Variants in ZNG1E observed in about 807,000 individuals in gnomAD.
ZNG1E encodes zinc-regulated GTPase metalloprotein activator 1E.
At chr9:65,658,344 G>A in the ZNG1E span, among the ~76,000 whole-genome samples, 4 of 151,794 alleles carry the variant, frequency 2.6e-5, no homozygotes, top group South Asian at 4.1e-4. Flanking sequence ...AAAATTCAGA[G>A]AAAGTTTGGA....
At chr9:65,717,558 G>T in the ZNG1E span, among the ~76,000 whole-genome samples, 2 of 149,756 alleles carry the variant, frequency 1.3e-5, no homozygotes, top group African/African-American at 5.1e-5. Flanking sequence ...CATCCTCCGT[G>T]TCTGGATTAG....
At chr9:65,656,595 G>C in the ZNG1E span, among the ~76,000 whole-genome samples, 1 of 152,266 alleles carries the variant, frequency 6.6e-6, no homozygotes, top group Non-Finnish European at 1.5e-5. Context: ...CTTCAAACCT[G>C]TATAGCCAGA....
At chr9:65,673,937 G>A in the ZNG1E span, among the ~76,000 whole-genome samples, 1 of 152,304 alleles carries the variant, frequency 6.6e-6, no homozygotes, top group South Asian at 2.1e-4. Flanking sequence ...CAGTAATGCA[G>A]TGCTGAAGGG....
chr9:65,716,669 A>AG, the ZNG1E span, among the ~76,000 whole-genome samples: 39 of 151,238 alleles, frequency 2.6e-4, no homozygotes, highest in Middle Eastern at 6.8e-3. Context: ...GTTTGTAAAA[A>AG]AAAAAATAAA....
chr9:65,658,305 A>C, the ZNG1E span, among the ~76,000 whole-genome samples: 2 of 151,860 alleles, frequency 1.3e-5, no homozygotes, highest in African/African-American at 4.8e-5. Flanking sequence ...AGCTCTTGGA[A>C]ATTTGAACAA....
chr9:65,673,908 G>A, the ZNG1E span, among the ~76,000 whole-genome samples: 1 of 152,418 alleles, frequency 6.6e-6, no homozygotes, highest in South Asian at 2.1e-4. Flanking sequence ...GGTGAGGGCT[G>A]TAATAGCTGC....
the ZNG1E span, among the ~76,000 whole-genome samples, chr9:65,727,329 A>G: frequency 6.7e-6 from 1 of 149,100 alleles, no homozygotes; most frequent in South Asian, 2.1e-4. Context: ...AATTAGAAAA[A>G]CAACAAAAAC....
chr9:65,666,983 G>A, the ZNG1E span, among the ~76,000 whole-genome samples: 1 of 151,600 alleles, frequency 6.6e-6, no homozygotes, highest in African/African-American at 2.4e-5. Flanking sequence ...ATCACACTCG[G>A]CAGATTTTTG....
chr9:65,716,664 T>TAA, the ZNG1E span, among the ~76,000 whole-genome samples: 338 of 147,056 alleles, frequency 2.3e-3, no homozygotes, highest in East Asian at 6.2e-3. Flanking sequence ...ATGTAGTTTG[T>TAA]AAAAAAAAAA....
chr9:65,674,587 T>A, the ZNG1E span, among the ~76,000 whole-genome samples: 1 of 152,258 alleles, frequency 6.6e-6, no homozygotes, highest in Non-Finnish European at 1.5e-5. Context: ...ATTCTCAACC[T>A]TGTTAGTAAT....
the ZNG1E span, among the ~76,000 whole-genome samples, chr9:65,724,712 A>C: frequency 1.1e-5 from 1 of 88,260 alleles, no homozygotes; most frequent in Non-Finnish European, 2.3e-5. Flanking sequence ...CGACATTCTC[A>C]ATATAGTTTT....
the ZNG1E span, among the ~76,000 whole-genome samples, chr9:65,716,355 G>A: frequency 6.6e-6 from 1 of 150,882 alleles, no homozygotes; most frequent in South Asian, 2.1e-4. Context: ...ATGGGGTCTT[G>A]CTATGTTGCC....
chr9:65,722,441 T>C, the ZNG1E span, among the ~76,000 whole-genome samples: 3 of 78,918 alleles, frequency 3.8e-5, no homozygotes, highest in Non-Finnish European at 4.8e-5. Context: ...TTGGTTTTGG[T>C]TTATTTATTT....
At chr9:65,665,239 C>T in the ZNG1E span, among the ~76,000 whole-genome samples, 1 of 152,280 alleles carries the variant, frequency 6.6e-6, no homozygotes, top group Non-Finnish European at 1.5e-5. Flanking sequence ...CCATCACAGG[C>T]CCAGAGGTTT....
At chr9:65,684,546 G>GCGCACACACA in the ZNG1E span, among the ~76,000 whole-genome samples, 15 of 139,580 alleles carry the variant, frequency 1.1e-4, no homozygotes, top group African/African-American at 4.2e-4. Flanking sequence ...ACACACACAC[G>GCGCACACACA]CACGCACACA....
chr9:65,673,979 G>A, the ZNG1E span, among the ~76,000 whole-genome samples: 2 of 152,278 alleles, frequency 1.3e-5, no homozygotes, highest in Non-Finnish European at 2.9e-5. Context: ...GACTGTGGGT[G>A]CAATGTTACT....
At chr9:65,691,854 CT>C in the ZNG1E span, among the ~76,000 whole-genome samples, 1 of 149,344 alleles carries the variant, frequency 6.7e-6, no homozygotes, top group Non-Finnish European at 1.5e-5. Context: ...CCTTTTTCAC[CT>C]TTTTAAAAAC....
chr9:65,686,189 AT>A, the ZNG1E span, among the ~76,000 whole-genome samples: 1 of 142,360 alleles, frequency 7.0e-6, no homozygotes, highest in Non-Finnish European at 1.5e-5. Context: ...GTAAATGATT[AT>A]TGGCTTCAAC....
At chr9:65,703,057 GTTA>G in the ZNG1E span, 1 of 192,736 alleles carries the variant, frequency 5.2e-6, no homozygotes, top group Admixed American at 9.5e-5. Context: ...AATCATTTTA[GTTA>G]TTAATAATAA....
Sources: gnomAD v4.1 joint callset for allele counts (sites outside exome capture counted in the v4.1 genomes callset) on GRCh38, gnomAD v4.1.1 for gene constraint, MANE v1.5 for transcripts, NCBI Gene and HGNC (gene_info 2026-07-23, HGNC 2026-07-21) for gene names.